The following SCN11A variants were observed in gnomAD, a reference collection of about 807,000 sequenced individuals.
SCN11A encodes the protein sodium channel protein type 11 subunit alpha.
In SCN11A, 122 loss-of-function variants were observed where a neutral mutation model predicts 162.2. The ratio of observed to expected loss-of-function variants is 0.75; its 90% confidence interval spans 0.65 to 0.87. The LOEUF is 0.87. Ranked by LOEUF, SCN11A falls within the 40% of genes least tolerant of loss-of-function variation. The pLI is 0.00. For synonymous variants in SCN11A, 758 were observed against 751.5 expected (o/e 1.01, Z -0.14); for missense variants, 2,015 against 2,181.6 (o/e 0.92, Z 1.52).
At chr3:39,038,454 C>T (rs1267945480) in intron 1 of SCN11A, among the ~76,000 whole-genome samples, 1 of 152,210 alleles carries the variant, frequency 6.6e-6, no homozygotes, top group Non-Finnish European at 1.5e-5. Context: ...AATAAAACCA[C>T]AAAAATGTCA....
In SCN11A at chr3:38,959,169, A is replaced by G. The variant is rs114250846; in HGVS notation, c.-139+1114T>C. Among the ~76,000 whole-genome samples, 1,015 of 152,330 alleles carry G rather than the reference A, an allele frequency of 6.7e-3. 6 individuals are homozygous for G. Among genetic ancestry groups the G allele is most frequent in the Non-Finnish European group, 1.0e-2 (677 of 68,034 alleles). Reference sequence around the variant, plus strand: ...AAGAATTATGAATTATGGGCTAAACAAAGGGGCAAATGCTTTAAATGGATT... The same window carrying G: ...AAGAATTATGAATTATGGGCTAAACGAAGGGGCAAATGCTTTAAATGGATT... On this transcript the variant is annotated intron_variant, in intron 3 of 29. Coordinates refer to ENST00000302328, the MANE Select transcript of SCN11A (RefSeq NM_001349253.2).
chr3:38,871,769 A>G (rs1270513052), intron 24 of SCN11A, 61 bp from the exon 25 acceptor site: 1 of 1,378,266 alleles, frequency 7.3e-7, no homozygotes, highest in Non-Finnish European at 9.9e-7. Flanking sequence ...AGGCTCTTCA[A>G]CTTCTCAGCA....
chr3:38,949,804 T>A lies in SCN11A; in HGVS notation c.267+292A>T, dbSNP rs192107113. 3.3e-4 allele frequency among the ~76,000 whole-genome samples: 50 copies of A among 152,348 alleles called. No individual in the cohort carries two copies. The East Asian group carries it at 5.0e-3, about 15-fold the overall frequency. ...GCCTGTATCTAACTTCTGGGACTAC[T>A]AGTCCAGTCCTCTTTCCAGACTTCA... On this transcript the variant is annotated intron_variant, in intron 5 of 29. Coordinates refer to ENST00000302328, the MANE Select transcript of SCN11A (RefSeq NM_001349253.2).
At position 39,049,165 on chromosome 3, in the gene SCN11A, T is replaced by C. The variant is rs143726675; in HGVS notation, c.-404+2696A>G. Among the ~76,000 whole-genome samples the C allele has an allele frequency of 2.6e-3, 394 of 152,340 alleles. 3 individuals are homozygous for C. The highest frequency in any genetic ancestry group is 8.7e-3 in the African/African-American group (361 of 41,576). ...AAGAGTGCTGAATATTGGACAGTAGTTCAGAGCATATACTGCATCCTACAG... is the reference window on the plus strand; with the variant it reads ...AAGAGTGCTGAATATTGGACAGTAGCTCAGAGCATATACTGCATCCTACAG... On this transcript the variant is annotated intron_variant, in intron 1 of 29. Coordinates refer to ENST00000302328, the MANE Select transcript of SCN11A (RefSeq NM_001349253.2).
Position 38,847,761 on chromosome 3 carries a change from G to A in SCN11A, c.4328-19C>T. 1 of 1,514,512 alleles carries A rather than the reference G, an allele frequency of 6.6e-7. No individual in the cohort carries two copies. The highest frequency in any genetic ancestry group is 9.0e-7 in the Non-Finnish European group (1 of 1,110,928). 93.8% of individuals were successfully genotyped at this position (1,514,512 alleles called of 1,614,324 possible). A position where few individuals can be genotyped will look rare whatever the true frequency, so the allele number is the denominator to read the frequency against. On this transcript the variant is annotated intron_variant, in intron 29 of 29. Coordinates refer to ENST00000302328, the MANE Select transcript of SCN11A (RefSeq NM_001349253.2). The stretch of plus-strand genomic sequence containing the variant: ...ATTGTACCTCAGGAGAAGGAGAAAA[G>A]TAAATAAGTTTCCAGAAGGCACACT...
At chr3:39,034,920 A>G (rs1394138085) in intron 1 of SCN11A, among the ~76,000 whole-genome samples, 1 of 152,202 alleles carries the variant, frequency 6.6e-6, no homozygotes, top group Non-Finnish European at 1.5e-5. Context: ...AATGAAAACT[A>G]TAAAATGTTG....
In SCN11A at chr3:39,051,903, A is replaced by C; in HGVS notation, c.-446T>G. The C allele has an allele frequency of 8.2e-7, 1 of 1,224,500 alleles. No individual in the cohort carries two copies. The highest frequency in any genetic ancestry group is 1.2e-6 in the Non-Finnish European group (1 of 850,320). 75.9% of individuals were successfully genotyped at this position (1,224,500 alleles called of 1,614,324 possible). A position where few individuals can be genotyped will look rare whatever the true frequency, so the allele number is the denominator to read the frequency against. The stretch of plus-strand genomic sequence containing the variant: ...GGCCACACAGCAACTAACAGCACCG[A>C]GGAAACACAACAGCCTGTTTACCTT... On this transcript the variant is annotated 5_prime_UTR_variant, in exon 1 of 30. Transcript: ENST00000302328.
rs1419381356 is a variant in SCN11A, at chr3:38,894,520, T to C, written c.2835+13A>G. On this transcript the variant is annotated intron_variant, in intron 19 of 29. Coordinates refer to ENST00000302328, the MANE Select transcript of SCN11A (RefSeq NM_001349253.2). ...TTTGTATGACCTTTAAGTCTATGTG[T>C]GAACCTTCATACCTGTTGTTCAGGC... is the stretch of plus-strand genomic sequence containing the variant. 7 of 1,581,454 alleles carry C rather than the reference T, an allele frequency of 4.4e-6. No homozygotes were observed. The highest frequency in any genetic ancestry group is 2.4e-5 in the South Asian group (2 of 84,104).
At chr3:38,932,985 G>C (rs1246214752) in intron 7 of SCN11A, among the ~76,000 whole-genome samples, 16 of 148,484 alleles carry the variant, frequency 1.1e-4, no homozygotes, top group South Asian at 4.3e-4. Flanking sequence ...AGTAGGGGCA[G>C]ACTGACACCT....
intron 5 of SCN11A, among the ~76,000 whole-genome samples, chr3:38,948,468 G>A (rs2066551202): frequency 1.3e-5 from 2 of 152,186 alleles, no homozygotes; most frequent in Admixed American, 6.5e-5. Context: ...TCTTCAAAAT[G>A]GGGCTTCCAA....
At chr3:38,920,745 A>C (rs560720340) in intron 10 of SCN11A, among the ~76,000 whole-genome samples, 1 of 152,128 alleles carries the variant, frequency 6.6e-6, no homozygotes, top group South Asian at 2.1e-4. Flanking sequence ...GGGGCTGGGA[A>C]GCTGCTGATT....
At chr3:39,040,627 A>C (rs1444378850) in intron 1 of SCN11A, among the ~76,000 whole-genome samples, 7 of 152,240 alleles carry the variant, frequency 4.6e-5, no homozygotes, top group Non-Finnish European at 1.0e-4. Context: ...ATACAAATGA[A>C]ATCAGGAAAA....
In SCN11A at chr3:38,870,837, T is replaced by C. The variant is rs1052272268; in HGVS notation, c.3760-93A>G. ...GAAAAGCAGGTGAGGCCCAGTGGGC[T>C]GAATATATAAGATGATACCCCAACC... On this transcript the variant is annotated intron_variant, in intron 25 of 29. Transcript: ENST00000302328. The C allele has an allele frequency of 8.6e-6, 9 of 1,042,538 alleles. No individual in the cohort carries two copies. The African/African-American group carries it at 9.4e-5, about 11-fold the overall frequency. 64.6% of individuals were successfully genotyped at this position (1,042,538 alleles called of 1,614,324 possible).
chr3:38,882,194 T>C (rs1225262042), intron 22 of SCN11A, among the ~76,000 whole-genome samples: 4 of 152,210 alleles, frequency 2.6e-5, no homozygotes, highest in South Asian at 2.1e-4. Context: ...GACATGTATG[T>C]TGATCACAGT....
At chr3:38,915,924 G>C (rs957214838) in intron 11 of SCN11A, among the ~76,000 whole-genome samples, 3 of 152,158 alleles carry the variant, frequency 2.0e-5, no homozygotes, top group African/African-American at 7.2e-5. Flanking sequence ...CACTATTATT[G>C]TGTGGGAGTC....
At chr3:39,029,902 C>G (rs2031703911) in intron 2 of SCN11A, among the ~76,000 whole-genome samples, 1 of 152,184 alleles carries the variant, frequency 6.6e-6, no homozygotes, top group Non-Finnish European at 1.5e-5. Context: ...AGGGAGATTA[C>G]TAGGAAAAGA....
intron 2 of SCN11A, among the ~76,000 whole-genome samples, chr3:38,981,861 G>C (rs1357003152): frequency 6.6e-6 from 1 of 151,640 alleles, no homozygotes; most frequent in Non-Finnish European, 1.5e-5. Context: ...AAAATTAGCC[G>C]GGCATGGTGG....
Position 38,867,034 on chromosome 3 carries a change from A to G in SCN11A, c.3951+287T>C, listed in dbSNP as rs145772914. Among the ~76,000 whole-genome samples the G allele has an allele frequency of 3.5e-4, 54 of 152,338 alleles. No individual in the cohort carries two copies. The East Asian group carries it at 7.9e-3, about 22-fold the overall frequency. On this transcript the variant is annotated intron_variant, in intron 27 of 29. Coordinates refer to ENST00000302328, the MANE Select transcript of SCN11A (RefSeq NM_001349253.2). ...TACTAATCCTGGTGGTTGTTGTTCT[A>G]TTAGGGTTCAGTTATTAATGGGTTT...
chr3:38,999,951 C>G (rs981820527), intron 2 of SCN11A, among the ~76,000 whole-genome samples: 5 of 152,142 alleles, frequency 3.3e-5, no homozygotes, highest in African/African-American at 1.2e-4. Flanking sequence ...GATATAGCAC[C>G]TGGAAAGGTG....
Sources: gnomAD v4.1 joint callset for allele counts (sites outside exome capture counted in the v4.1 genomes callset) on GRCh38, gnomAD v4.1.1 for gene constraint, MANE v1.5 for transcripts, NCBI Gene and HGNC (gene_info 2026-07-23, HGNC 2026-07-21) for gene names.